PPARGC1A: variants seen among roughly 807,000 people sequenced by gnomAD.
PPARGC1A encodes peroxisome proliferator-activated receptor gamma coactivator 1-alpha.
PPARGC1A carries 25 observed loss-of-function variants against 88.7 expected under a neutral mutation model. The ratio of observed to expected loss-of-function variants is 0.28; its 90% CI spans 0.21 to 0.39. The LOEUF is 0.39. PPARGC1A is among the 10% of genes least tolerant of loss of function. The pLI, the probability that PPARGC1A is intolerant of heterozygous loss-of-function variation, is 1.00. For synonymous variants in PPARGC1A, 363 were observed against 355.6 expected (o/e 1.02, Z -0.24); for missense variants, 880 against 968.7 (o/e 0.91, Z 1.22).
the PPARGC1A span, among the ~76,000 whole-genome samples, chr4:24,321,587 C>T: frequency 1.2e-4 from 18 of 152,190 alleles, no homozygotes; most frequent in Admixed American, 1.3e-4. Flanking sequence ...AACTACTTTT[C>T]CAGAACCCAG....
the PPARGC1A span, among the ~76,000 whole-genome samples, chr4:24,098,993 T>G: frequency 8.5e-5 from 13 of 152,134 alleles, no homozygotes; most frequent in Non-Finnish European, 1.5e-4. Context: ...TACTGGCCTT[T>G]CCAGTATGTT....
At chr4:24,067,376 T>C in the PPARGC1A span, among the ~76,000 whole-genome samples, 2 of 152,100 alleles carry the variant, frequency 1.3e-5, no homozygotes, top group Non-Finnish European at 2.9e-5. Flanking sequence ...TAAAAACAGA[T>C]AAAATCCATG....
the PPARGC1A span, among the ~76,000 whole-genome samples, chr4:24,215,277 G>A: frequency 2.0e-5 from 3 of 152,338 alleles, no homozygotes; most frequent in East Asian, 5.8e-4. Flanking sequence ...AATCAGAGAA[G>A]CACACACAGA....
Position 23,813,823 on chromosome 4 carries a change from G to C in PPARGC1A, c.1660C>G (p.Pro554Ala). The change falls in exon 8 of 13, where the codon CCC becomes GCC. Residue 554 changes from proline (P) to alanine (A), a missense_variant. Coordinates refer to ENST00000264867, the MANE Select transcript of PPARGC1A (RefSeq NM_013261.5). ...NSPCRDSVSP[P>A]KSLFSQRPQR... ...GGTCTTTGAGAAAATAAGGATTTGG[G>C]TGGTGACACAGAATCTCTACATGGA... 6.2e-7 allele frequency: 1 copy of C among 1,613,922 alleles called. No homozygotes were observed. Among genetic ancestry groups the C allele is most frequent in the Non-Finnish European group, 8.5e-7 (1 of 1,179,876 alleles).
chr4:23,825,576 T>G (rs1387231673), intron 5 of PPARGC1A, among the ~76,000 whole-genome samples: 1 of 152,154 alleles, frequency 6.6e-6, no homozygotes, highest in South Asian at 2.1e-4. Flanking sequence ...TTCTGTTTCC[T>G]TTATCCTATT....
At chr4:24,315,022 TAAA>T in the PPARGC1A span, among the ~76,000 whole-genome samples, 55 of 131,520 alleles carry the variant, frequency 4.2e-4, no homozygotes, top group African/African-American at 1.4e-3. Flanking sequence ...ATACAGACCT[TAAA>T]AAAAAAAAAA....
chr4:23,958,955 T>C, the PPARGC1A span, among the ~76,000 whole-genome samples: 1 of 150,736 alleles, frequency 6.6e-6, no homozygotes, highest in Non-Finnish European at 1.5e-5. Flanking sequence ...TTGGAACATA[T>C]CCTAGAACTT....
the PPARGC1A span, among the ~76,000 whole-genome samples, chr4:24,092,350 A>G: frequency 6.6e-6 from 1 of 152,176 alleles, no homozygotes; most frequent in Non-Finnish European, 1.5e-5. Flanking sequence ...AGCACTTCAC[A>G]TGCAGAATGA....
At chr4:24,436,170 A>G in the PPARGC1A span, among the ~76,000 whole-genome samples, 1 of 152,390 alleles carries the variant, frequency 6.6e-6, no homozygotes, top group Non-Finnish European at 1.5e-5. Context: ...CCGGTGAGAT[A>G]CTGGCCTTGG....
chr4:24,108,393 C>T, the PPARGC1A span, among the ~76,000 whole-genome samples: 4 of 152,136 alleles, frequency 2.6e-5, no homozygotes, highest in African/African-American at 9.6e-5. Flanking sequence ...AACCATTAGG[C>T]CAAATAATTT....
At chr4:24,152,615 A>G in the PPARGC1A span, among the ~76,000 whole-genome samples, 1 of 152,182 alleles carries the variant, frequency 6.6e-6, no homozygotes, top group African/African-American at 2.4e-5. Flanking sequence ...GCCGCTTATT[A>G]TTAGTATTAT....
At chr4:24,357,282 C>T in the PPARGC1A span, among the ~76,000 whole-genome samples, 1 of 152,218 alleles carries the variant, frequency 6.6e-6, no homozygotes, top group Non-Finnish European at 1.5e-5. Context: ...GGGGAGGTCA[C>T]ACACAGTACT....
the PPARGC1A span, among the ~76,000 whole-genome samples, chr4:24,287,665 C>CACA: frequency 6.1e-4 from 92 of 151,330 alleles, no homozygotes; most frequent in East Asian, 7.1e-3. Flanking sequence ...CACACACACA[C>CACA]AACTGCACTC....
chr4:24,158,021 C>T, the PPARGC1A span, among the ~76,000 whole-genome samples: 2 of 152,248 alleles, frequency 1.3e-5, no homozygotes, highest in East Asian at 3.9e-4. Context: ...TTAGGAATGC[C>T]GCCATGATCT....
the PPARGC1A span, among the ~76,000 whole-genome samples, chr4:23,986,270 A>G: frequency 6.6e-5 from 10 of 152,140 alleles, no homozygotes; most frequent in Non-Finnish European, 1.3e-4. Flanking sequence ...ACATATACTT[A>G]ATAAAGATTA....
At chr4:24,179,799 C>T in the PPARGC1A span, among the ~76,000 whole-genome samples, 1 of 152,132 alleles carries the variant, frequency 6.6e-6, no homozygotes, top group African/African-American at 2.4e-5. Context: ...ATAGTCAAGG[C>T]TGTCTCAACT....
the PPARGC1A span, among the ~76,000 whole-genome samples, chr4:24,440,470 C>T: frequency 6.6e-6 from 1 of 152,150 alleles, no homozygotes; most frequent in Non-Finnish European, 1.5e-5. Flanking sequence ...TGACACATGC[C>T]TCCCACCGAC....
the PPARGC1A span, among the ~76,000 whole-genome samples, chr4:24,206,061 C>A: frequency 6.6e-6 from 1 of 152,108 alleles, no homozygotes; most frequent in Non-Finnish European, 1.5e-5. Flanking sequence ...TGTCTCCCTG[C>A]CAAGGTCAAG....
the PPARGC1A span, among the ~76,000 whole-genome samples, chr4:24,240,435 C>A: frequency 2.6e-5 from 4 of 152,190 alleles, no homozygotes; most frequent in Non-Finnish European, 5.9e-5. Context: ...GGACTCCCTG[C>A]TTCTACAGCT....
Sources: allele counts gnomAD v4.1 joint callset (sites outside exome capture counted in the v4.1 genomes callset), GRCh38; gene constraint gnomAD v4.1.1; transcripts MANE v1.5; gene names NCBI Gene and HGNC (gene_info 2026-07-23, HGNC 2026-07-21).